Variants in LINGO2 observed in about 807,000 individuals in gnomAD.
LINGO2 encodes the protein leucine-rich repeat and immunoglobulin-like domain-containing nogo receptor-interacting protein 2.
Under a neutral mutation model 30.6 loss-of-function variants are expected in LINGO2, and 14 were observed. That is an observed-to-expected ratio of 0.46 (90% CI 0.30 to 0.72). The LOEUF (loss-of-function observed/expected upper bound fraction) is 0.72, where lower values mean the gene tolerates loss of function less well. Among genes scored for constraint, LINGO2 ranks in the 30% least tolerant of loss-of-function variants. The pLI is 0.07. For synonymous variants in LINGO2, 317 were observed against 288.5 expected (o/e 1.10, Z -1.00); for missense variants, 729 against 751.7 (o/e 0.97, Z 0.35).
intron 3 of LINGO2, among the ~76,000 whole-genome samples, chr9:28,334,698 A>T (rs957718692): frequency 6.6e-6 from 1 of 152,138 alleles, no homozygotes; most frequent in Non-Finnish European, 1.5e-5. Context: ...TGGCAACATT[A>T]AAGGGAATGA....
intron 4 of LINGO2, among the ~76,000 whole-genome samples, chr9:28,020,789 G>A (rs138492102): frequency 2.8e-4 from 42 of 152,230 alleles, no homozygotes; most frequent in African/African-American, 8.9e-4. Flanking sequence ...TGAGGATTTA[G>A]TCCACTTTAT....
chr9:29,072,611 T>TTATATATATATATTTATATATATA, the LINGO2 span, among the ~76,000 whole-genome samples: 4 of 140,284 alleles, frequency 2.9e-5, no homozygotes, highest in Non-Finnish European at 4.8e-5. Flanking sequence ...TGTCTCTCTT[T>TTATATATATATATTTATATATATA]GATATATATA....
chr9:28,310,003 C>A (rs1197795516), intron 3 of LINGO2, among the ~76,000 whole-genome samples: 1 of 151,982 alleles, frequency 6.6e-6, no homozygotes, highest in Non-Finnish European at 1.5e-5. Context: ...GCTTATCTTA[C>A]CAAGTGTTGG....
chr9:28,195,585 A>G (rs1254911647), intron 4 of LINGO2, among the ~76,000 whole-genome samples: 4 of 151,134 alleles, frequency 2.6e-5, no homozygotes, highest in Non-Finnish European at 5.9e-5. Flanking sequence ...ACAACCCTAT[A>G]TAAACAAATT....
At chr9:28,197,755 A>C (rs149472306) in intron 4 of LINGO2, among the ~76,000 whole-genome samples, 37 of 152,120 alleles carry the variant, frequency 2.4e-4, no homozygotes, top group African/African-American at 8.2e-4. Context: ...AAATGATCAA[A>C]TCAAAAGATA....
chr9:28,462,669 C>G (rs569744256), intron 2 of LINGO2, among the ~76,000 whole-genome samples: 1 of 151,888 alleles, frequency 6.6e-6, no homozygotes, highest in South Asian at 2.1e-4. Flanking sequence ...AATCATAATT[C>G]TTGCTCACAC....
At chr9:28,997,177 C>G in the LINGO2 span, among the ~76,000 whole-genome samples, 1 of 152,064 alleles carries the variant, frequency 6.6e-6, no homozygotes, top group Non-Finnish European at 1.5e-5. Context: ...AACTGTAATC[C>G]CAGCACTCTG....
intron 1 of LINGO2, among the ~76,000 whole-genome samples, chr9:28,648,730 C>G (rs539994710): frequency 1.3e-5 from 2 of 152,140 alleles, no homozygotes; most frequent in East Asian, 3.9e-4. Flanking sequence ...CTATCTACTT[C>G]TTACATCATT....
intron 4 of LINGO2, among the ~76,000 whole-genome samples, chr9:28,021,127 T>C (rs1031167516): frequency 6.6e-6 from 1 of 152,140 alleles, no homozygotes; most frequent in African/African-American, 2.4e-5. Context: ...GAAGCTTAAA[T>C]TATTTAGATG....
chr9:28,762,360 C>G, the LINGO2 span, among the ~76,000 whole-genome samples: 4 of 152,060 alleles, frequency 2.6e-5, no homozygotes, highest in Admixed American at 2.6e-4. Context: ...GGAGGCCTAG[C>G]ATGACTAATT....
chr9:28,864,339 T>C, the LINGO2 span, among the ~76,000 whole-genome samples: 4 of 152,090 alleles, frequency 2.6e-5, no homozygotes, highest in Non-Finnish European at 4.4e-5. Context: ...AGTCCAAGAA[T>C]GTTTATAAAA....
the LINGO2 span, among the ~76,000 whole-genome samples, chr9:28,784,908 A>G: frequency 6.6e-6 from 1 of 151,470 alleles, no homozygotes; most frequent in Non-Finnish European, 1.5e-5. Context: ...AGATCGTGCC[A>G]CTGCACTCCA....
chr9:29,108,786 A>C, the LINGO2 span, among the ~76,000 whole-genome samples: 8 of 152,284 alleles, frequency 5.3e-5, no homozygotes, highest in East Asian at 1.4e-3. Flanking sequence ...AATTTACTGA[A>C]GTGGGCACCA....
chr9:28,493,979 T>A (rs1819480798), intron 1 of LINGO2, among the ~76,000 whole-genome samples: 1 of 152,136 alleles, frequency 6.6e-6, no homozygotes, highest in African/African-American at 2.4e-5. Flanking sequence ...GAACCTCATC[T>A]TGTGATGGTG....
the LINGO2 span, among the ~76,000 whole-genome samples, chr9:29,003,203 G>A: frequency 6.6e-6 from 1 of 152,010 alleles, no homozygotes; most frequent in African/African-American, 2.4e-5. Context: ...CTCCAGAACT[G>A]TGCAATAACA....
At chr9:28,779,696 G>GT in the LINGO2 span, among the ~76,000 whole-genome samples, 1 of 152,076 alleles carries the variant, frequency 6.6e-6, no homozygotes, top group Non-Finnish European at 1.5e-5. Flanking sequence ...GTAGGCCACA[G>GT]TTTTTTTCTG....
chr9:28,738,980 C>T, the LINGO2 span, among the ~76,000 whole-genome samples: 3 of 151,832 alleles, frequency 2.0e-5, no homozygotes, highest in Non-Finnish European at 4.4e-5. Flanking sequence ...TCTCAAATTG[C>T]GTTTTGTCAA....
chr9:27,993,297 T>A (rs1821489977), intron 5 of LINGO2, among the ~76,000 whole-genome samples: 1 of 152,174 alleles, frequency 6.6e-6, no homozygotes, highest in Admixed American at 6.6e-5. Flanking sequence ...GAACTTGGAT[T>A]GTGGATAATT....
At chr9:28,117,807 G>C (rs1826973165) in intron 4 of LINGO2, among the ~76,000 whole-genome samples, 1 of 151,394 alleles carries the variant, frequency 6.6e-6, no homozygotes, top group African/African-American at 2.4e-5. Context: ...TGCGCCCACT[G>C]TCTGGCACTC....
Sources: allele counts gnomAD v4.1 joint callset (sites outside exome capture counted in the v4.1 genomes callset), GRCh38; gene constraint gnomAD v4.1.1; transcripts MANE v1.5; gene names NCBI Gene and HGNC (gene_info 2026-07-23, HGNC 2026-07-21).